PAN3: variants seen among roughly 807,000 people sequenced by gnomAD.
The protein encoded by PAN3 is poly(A) specific ribonuclease subunit PAN3.
In PAN3, 19 loss-of-function variants were observed where a neutral mutation model predicts 96.2. That is an observed-to-expected ratio of 0.20 (90% CI 0.14 to 0.29). The LOEUF (loss-of-function observed/expected upper bound fraction) is 0.29. Among genes scored for constraint, PAN3 ranks in the 10% least tolerant of loss-of-function variants. PAN3 has a pLI of 1.00. For synonymous variants in PAN3, 433 were observed against 406.6 expected, an observed-to-expected ratio of 1.06 and a Z score of -0.78; for missense variants, 882 against 1,108.1, an observed-to-expected ratio of 0.80 and a Z score of 2.90.
intron 6 of PAN3, among the ~76,000 whole-genome samples, chr13:28,244,544 A>G (rs994859603): frequency 6.6e-6 from 1 of 152,052 alleles, no homozygotes; most frequent in African/African-American, 2.4e-5. Context: ...TATAACCTTT[A>G]TGTTTTACTG....
At chr13:28,163,103 G>A (rs920850314) in intron 1 of PAN3, among the ~76,000 whole-genome samples, 13 of 151,686 alleles carry the variant, frequency 8.6e-5, no homozygotes, top group African/African-American at 3.1e-4. Flanking sequence ...TAGTGCAGTG[G>A]TATGATGACA....
chr13:28,275,314 T>C (rs1566252907), intron 14 of PAN3, among the ~76,000 whole-genome samples: 3 of 152,220 alleles, frequency 2.0e-5, no homozygotes, highest in Admixed American at 1.3e-4. Context: ...AAATCAGATG[T>C]TATTTTTTAA....
chr13:28,196,770 C>T (rs1878107739), intron 4 of PAN3, among the ~76,000 whole-genome samples: 3 of 151,994 alleles, frequency 2.0e-5, no homozygotes, highest in Non-Finnish European at 4.4e-5. Flanking sequence ...GTTTGGCGAA[C>T]TTTATAAAAA....
chr13:28,162,862 A>G (rs908174223), intron 1 of PAN3, among the ~76,000 whole-genome samples: 7 of 151,520 alleles, frequency 4.6e-5, no homozygotes, highest in Admixed American at 2.0e-4. Flanking sequence ...ACTTGCCACC[A>G]AGCTTAAAAA....
chr13:28,251,286 C>T (rs1471077643), intron 6 of PAN3, among the ~76,000 whole-genome samples: 2 of 152,092 alleles, frequency 1.3e-5, no homozygotes, highest in Non-Finnish European at 1.5e-5. Flanking sequence ...ACTCTTTGTT[C>T]TTGTGTTGCT....
chr13:28,215,297 T>C (rs1880596248), intron 5 of PAN3: 2 of 720,544 alleles, frequency 2.8e-6, no homozygotes, highest in Non-Finnish European at 5.2e-6. Context: ...GTATTGGTAC[T>C]GTGTCTGTGG....
intron 4 of PAN3, among the ~76,000 whole-genome samples, chr13:28,194,107 A>G (rs1877664499): frequency 6.6e-6 from 1 of 151,728 alleles, no homozygotes; most frequent in Admixed American, 6.6e-5. Context: ...CAGTGAGCTG[A>G]GATGATACCA....
At chr13:28,173,517 A>C (rs1874570950) in intron 1 of PAN3, among the ~76,000 whole-genome samples, 1 of 152,206 alleles carries the variant, frequency 6.6e-6, no homozygotes, top group African/African-American at 2.4e-5. Flanking sequence ...ATTACCTCAG[A>C]TTGTTTTCCA....
At chr13:28,224,110 G>A (rs976905928) in intron 6 of PAN3, among the ~76,000 whole-genome samples, 1 of 151,646 alleles carries the variant, frequency 6.6e-6, no homozygotes, top group African/African-American at 2.4e-5. Context: ...TGACTTCGTG[G>A]TCTGCCCGCC....
chr13:28,285,665 A>G (rs1472160850), intron 17 of PAN3, among the ~76,000 whole-genome samples: 2 of 152,046 alleles, frequency 1.3e-5, no homozygotes, highest in African/African-American at 4.8e-5. Context: ...ATTTTCAAAT[A>G]TTCTCTTCTA....
At chr13:28,280,921 C>G (rs1015917230) in intron 16 of PAN3, among the ~76,000 whole-genome samples, 3 of 152,158 alleles carry the variant, frequency 2.0e-5, no homozygotes, top group African/African-American at 4.8e-5. Context: ...TAAATAGACA[C>G]AAAATAATCA....
intron 11 of PAN3, 41 bp downstream of exon 11, chr13:28,267,252 T>A: frequency 1.2e-6 from 2 of 1,609,842 alleles, no homozygotes; most frequent in Non-Finnish European, 1.7e-6. Flanking sequence ...GTGAGCTTCA[T>A]TATTTGAAGC....
At chr13:28,144,211 G>GTTTT (rs972669575) in intron 1 of PAN3, among the ~76,000 whole-genome samples, 51 of 101,524 alleles carry the variant, frequency 5.0e-4, no homozygotes, top group Non-Finnish European at 6.2e-4. Context: ...AAGTTTTTTT[G>GTTTT]TTTTTTTTTT....
Position 28,287,331 on chromosome 13 carries a change from G to A in PAN3, c.2385-653G>A, listed in dbSNP as rs142065003. Among the ~76,000 whole-genome samples the A allele has an allele frequency of 2.1e-3, 324 of 152,226 alleles. 1 individual carries two copies. Among genetic ancestry groups the A allele is most frequent in the African/African-American group, 7.4e-3 (308 of 41,536 alleles). On this transcript the variant is annotated intron_variant, in intron 17 of 18. Coordinates refer to ENST00000380958, the MANE Select transcript of PAN3 (RefSeq NM_175854.8). ...CACAGTTTGATCTGGGAAGCAGAAC[G>A]ACTTTAAATGATACAGAAAAGGGAT...
intron 6 of PAN3, among the ~76,000 whole-genome samples, chr13:28,237,376 T>C (rs1378751927): frequency 6.6e-6 from 1 of 152,180 alleles, no homozygotes; most frequent in Non-Finnish European, 1.5e-5. Flanking sequence ...ACTATATCAC[T>C]GGAACTCAGA....
At chr13:28,202,965 T>G (rs910838791) in intron 5 of PAN3, among the ~76,000 whole-genome samples, 4 of 152,150 alleles carry the variant, frequency 2.6e-5, no homozygotes, top group Non-Finnish European at 5.9e-5. Flanking sequence ...CTTTCTTTCT[T>G]AATTTTTTTT....
At chr13:28,217,971 A>G (rs1176748598) in intron 5 of PAN3, among the ~76,000 whole-genome samples, 1 of 152,002 alleles carries the variant, frequency 6.6e-6, no homozygotes, top group African/African-American at 2.4e-5. Flanking sequence ...CCTGAAAGAA[A>G]TAGGTTCTTT....
chr13:28,194,227 C>A (rs1406042586), intron 4 of PAN3, among the ~76,000 whole-genome samples: 2 of 150,790 alleles, frequency 1.3e-5, no homozygotes, highest in African/African-American at 4.9e-5. Flanking sequence ...TTACGGAAGA[C>A]CTTTTAAAAT....
chr13:28,213,115 CAT>C (rs1238801612), intron 5 of PAN3, among the ~76,000 whole-genome samples: 3 of 152,176 alleles, frequency 2.0e-5, no homozygotes, highest in Admixed American at 6.5e-5. Context: ...TTCAACCAAT[CAT>C]GGACCGGGGG....
Sources: allele counts gnomAD v4.1 joint callset (sites outside exome capture counted in the v4.1 genomes callset), GRCh38; gene constraint gnomAD v4.1.1; transcripts MANE v1.5; gene names NCBI Gene and HGNC (gene_info 2026-07-23, HGNC 2026-07-21).